Variants in KIF17 observed in about 807,000 individuals in gnomAD.
KIF17 encodes the protein kinesin-like protein KIF17.
A neutral mutation model predicts 96.8 loss-of-function variants in KIF17; 80 were observed. That is an observed-to-expected ratio of 0.83 (90% CI 0.69 to 1.00). The LOEUF is 1.00. Among genes scored for constraint, KIF17 ranks in the 50% least tolerant of loss-of-function variants. KIF17 has a pLI of 0.00. For synonymous variants in KIF17, 567 were observed against 587.5 expected (o/e 0.97, Z 0.51); for missense variants, 1,280 against 1,372.9 (o/e 0.93, Z 1.07).
At chr1:20,715,678 C>A (rs1339652312) in intron 1 of KIF17, 39 bp from the exon 2 acceptor site, 2 of 1,612,958 alleles carry the variant, frequency 1.2e-6, no homozygotes, top group Non-Finnish European at 1.7e-6. Context: ...CTCAGTGGAG[C>A]AGGCACAGCA....
chr1:20,701,245 C>T (rs2054230192), intron 5 of KIF17, among the ~76,000 whole-genome samples: 1 of 152,146 alleles, frequency 6.6e-6, no homozygotes, highest in Admixed American at 6.5e-5. Context: ...TCCTGGCTAA[C>T]ACGGTAAAAC....
In KIF17 at chr1:20,664,372, A is replaced by C. The variant is rs1162885099; in HGVS notation, c.*212T>G. ...TGAACAGCTGGAGCAGGCCTCTCTA[A>C]GGAGGACTATACAGCCTCCGAGGGG... On this transcript the variant is annotated 3_prime_UTR_variant, in exon 15 of 15. Transcript: ENST00000400463. The C allele has an allele frequency of 6.9e-7, 1 of 1,450,952 alleles. No homozygotes were observed. The highest frequency in any genetic ancestry group is 1.4e-5 in the African/African-American group (1 of 70,346). The allele number at this position is 1,450,952 out of a possible 1,614,324, so 89.9% of individuals were successfully genotyped here.
intron 4 of KIF17, among the ~76,000 whole-genome samples, chr1:20,706,539 C>A (rs2054345003): frequency 6.6e-6 from 1 of 151,074 alleles, no homozygotes; most frequent in African/African-American, 2.4e-5. Flanking sequence ...TGCAGTGAGC[C>A]GAGATTGCAA....
rs551278299 is a variant in KIF17, at chr1:20,685,040, C to G, written c.2020-20G>C. The G allele has an allele frequency of 6.4e-7, 1 of 1,566,682 alleles. No homozygotes were observed. Among genetic ancestry groups the G allele is most frequent in the Admixed American group, 1.9e-5 (1 of 53,226 alleles). On this transcript the variant is annotated intron_variant, in intron 9 of 14. Transcript: ENST00000400463. This position sits in a 1 kb window ranked among gnomAD's most constrained non-coding sequence, Gnocchi z 4.1. ...TACCTCCTGAGTGTGAAGAGAAACC[C>G]AGGTGGAGGTGGGAAGGCCGCCCCA...
At chr1:20,688,030 TG>T (rs1314817722) in intron 7 of KIF17, 86 bp from the exon 8 acceptor site, 2 of 1,167,824 alleles carry the variant, frequency 1.7e-6, no homozygotes, top group South Asian at 1.3e-5. Flanking sequence ...CCCAGTGTGT[TG>T]TTTTTTTTGT....
intron 6 of KIF17, chr1:20,693,246 CTTTT>C (rs34024424): frequency 3.8e-5 from 5 of 133,290 alleles, no homozygotes; most frequent in African/African-American, 5.6e-5. Context: ...ACGTCCTCAT[CTTTT>C]TTTTTTTTTT....
At position 20,700,443 on chromosome 1, in the gene KIF17, G is replaced by A. The variant is rs1451632706; in HGVS notation, c.1124-1955C>T. Among the ~76,000 whole-genome samples the A allele has an allele frequency of 6.6e-6, 1 of 152,206 alleles. No homozygotes were observed. The highest frequency in any genetic ancestry group is 2.4e-5 in the African/African-American group (1 of 41,460). ...ACTGGATGTAGATTTGAGAGAACGT[G>A]AGAAGCCAGGGGCGACCCCAAGTGT... On this transcript the variant is annotated intron_variant, in intron 5 of 14. Coordinates refer to ENST00000400463, the MANE Select transcript of KIF17 (RefSeq NM_001122819.3). The surrounding 1 kb of genome is among the most constrained non-coding windows in gnomAD (Gnocchi z 4.6).
chr1:20,672,181 C>G lies in KIF17; in HGVS notation c.2479G>C (p.Val827Leu), dbSNP rs777029545. The change falls in exon 12 of 15, where the codon GTG (valine) becomes CTG (leucine). Residue 827 changes from valine to leucine, a missense_variant. Transcript: ENST00000400463. This position sits in a 1 kb window ranked among gnomAD's most constrained non-coding sequence, Gnocchi z 4.3. ...KMQRKLRAAE[V>L]EIKDLQSEFQ... ...TCGGACTGCAGATCTTTGATCTCCA[C>G]CTCTGCTGCCCGAAGCTGAAAGCAA... 6.2e-7 allele frequency: 1 copy of G among 1,614,138 alleles called. No individual in the cohort carries two copies. Among genetic ancestry groups the G allele is most frequent in the Admixed American group, 1.7e-5 (1 of 60,016 alleles).
At chr1:20,715,166 T>C (rs1467071077) in intron 2 of KIF17, among the ~76,000 whole-genome samples, 1 of 152,192 alleles carries the variant, frequency 6.6e-6, no homozygotes, top group African/African-American at 2.4e-5. Flanking sequence ...GGGCTTCACA[T>C]ATGACTTGGT....
At position 20,685,014 on chromosome 1, in the gene KIF17, C is replaced by A. The variant is rs572966268; in HGVS notation, c.2026G>T (p.Asp676Tyr). Residue 676 changes from aspartate to tyrosine, a missense_variant, in exon 10 of 15, where the codon GAT becomes TAT. Transcript: ENST00000400463. This position sits in a 1 kb window ranked among gnomAD's most constrained non-coding sequence, Gnocchi z 4.1. ...ADDFPPRPEV[D>Y]LASEVALEVV... ...TCTAAGGCCACTTCCGAGGCCAGAT[C>A]TACCTCCTGAGTGTGAAGAGAAACC... The A allele has an allele frequency of 8.2e-6, 13 of 1,592,508 alleles. No homozygotes were observed. The Admixed American group carries it at 1.9e-4, about 24-fold the overall frequency.
intron 1 of KIF17, 29 bp from the exon 2 acceptor site, chr1:20,715,668 C>T (rs1431491705): frequency 6.2e-7 from 1 of 1,613,396 alleles, no homozygotes. Flanking sequence ...GGACCCCGTG[C>T]TCAGTGGAGC....
intron 4 of KIF17, among the ~76,000 whole-genome samples, chr1:20,706,766 G>A (rs2054350004): frequency 6.6e-6 from 1 of 151,994 alleles, no homozygotes; most frequent in Admixed American, 6.6e-5. Context: ...GTGCATGCCT[G>A]TGGTCTCAGC....
chr1:20,670,543 G>C (rs376478786), intron 12 of KIF17, 55 bp from the exon 13 acceptor site: 40 of 1,552,168 alleles, frequency 2.6e-5, no homozygotes, highest in Non-Finnish European at 3.4e-5. Context: ...AGGCCTAGAG[G>C]AGGGCACAGG....
At position 20,672,068 on chromosome 1, in the gene KIF17, C is replaced by T. The variant is rs762199402; in HGVS notation, c.2592G>A (p.Val864=). The T allele has an allele frequency of 8.1e-6, 13 of 1,614,200 alleles. No homozygotes were observed. In the Admixed American group the frequency reaches 2.0e-4, roughly 25 times the overall value. Residue 864 remains valine, a synonymous_variant, in exon 12 of 15, where the codon GTG becomes GTA. Transcript: ENST00000400463. The surrounding 1 kb of genome is among the most constrained non-coding windows in gnomAD (Gnocchi z 4.3). Reference sequence around the variant, plus strand: ...TACAGTCCCTGCGAATCAGGGGCTGCACCTGCTCCAGGAGCTGCTGCAAGA... The same window carrying T: ...TACAGTCCCTGCGAATCAGGGGCTGTACCTGCTCCAGGAGCTGCTGCAAGA... ...SMLLQQLLEQ[V]QPLIRRDCNY...
chr1:20,676,908 G>A lies in KIF17; in HGVS notation c.2464-4712C>T, dbSNP rs377071327. 2.1e-4 allele frequency among the ~76,000 whole-genome samples: 31 copies of A among 151,208 alleles called. No homozygotes were observed. In the East Asian group the frequency reaches 5.6e-3, roughly 27 times the overall value. On this transcript the variant is annotated intron_variant, in intron 11 of 14. Coordinates refer to ENST00000400463, the MANE Select transcript of KIF17 (RefSeq NM_001122819.3). ...GATATTATTTCTCACCTAACAAAGT[G>A]GTAAAAATCCAAGTTTTAGGGGCTG...
chr1:20,664,728 T>G lies in KIF17; in HGVS notation c.2943A>C (p.Pro981=), dbSNP rs563282986. The G allele has an allele frequency of 3.1e-6, 5 of 1,612,102 alleles. No individual in the cohort carries two copies. In the East Asian group the frequency reaches 1.1e-4, roughly 36 times the overall value. Reference sequence around the variant, plus strand: ...GTGGGATGGCAGAGTTGTTGCTGAGTGGGCAGCTGAGGCCTGGTGGCGAGT... The same window carrying G: ...GTGGGATGGCAGAGTTGTTGCTGAGGGGGCAGCTGAGGCCTGGTGGCGAGT... ...HHNSPPGLSC[P]LSNNSAIPPT... is the part of the protein sequence containing the mutation. The change falls in exon 15 of 15, where the codon CCA becomes CCC. Residue 981 remains proline (P), a synonymous_variant. Transcript: ENST00000400463.
intron 3 of KIF17, among the ~76,000 whole-genome samples, chr1:20,712,547 G>C (rs1332886972): frequency 2.9e-5 from 2 of 68,316 alleles, no homozygotes; most frequent in African/African-American, 8.4e-5. Flanking sequence ...CTATATTATA[G>C]ATATTATCTA....
At chr1:20,678,628 T>C (rs926224298) in intron 11 of KIF17, among the ~76,000 whole-genome samples, 2 of 151,894 alleles carry the variant, frequency 1.3e-5, no homozygotes, top group Non-Finnish European at 1.5e-5. Context: ...AACCCCCAAG[T>C]GCAGCAGACA....
chr1:20,712,768 A>ATC (rs1177431983), intron 3 of KIF17, among the ~76,000 whole-genome samples: 1 of 86,696 alleles, frequency 1.2e-5, no homozygotes, highest in Non-Finnish European at 2.1e-5. Flanking sequence ...TTATATCTAT[A>ATC]TATAATATAG....
Sources: gnomAD v4.1 joint callset for allele counts (sites outside exome capture counted in the v4.1 genomes callset) on GRCh38, gnomAD v4.1.1 for gene constraint, Gnocchi (gnomAD v3.1) non-coding constraint, MANE v1.5 for transcripts, NCBI Gene and HGNC (gene_info 2026-07-23, HGNC 2026-07-21) for gene names.